WWOX: variants seen among roughly 807,000 people sequenced by gnomAD.
WWOX encodes WW domain containing oxidoreductase, also known as WW domain-containing oxidoreductase.
Under a neutral mutation model 46.2 loss-of-function variants are expected in WWOX, and 69 were observed. The ratio of observed to expected loss-of-function variants is 1.49; its 90% CI spans 1.23 to 1.82. WWOX has a LOEUF of 1.82. Among genes scored for constraint, WWOX ranks in the 40% most tolerant of loss-of-function variants. WWOX has a pLI of 0.00. For missense variants in WWOX, 919 were observed against 542.6 expected (o/e 1.69, Z -6.89); for synonymous variants, 359 against 202.6 (o/e 1.77, Z -6.56).
intron 8 of WWOX, among the ~76,000 whole-genome samples, chr16:78,599,604 A>C (rs547013308): frequency 1.3e-5 from 2 of 152,260 alleles, no homozygotes; most frequent in East Asian, 3.9e-4. Flanking sequence ...CAGTTTGGGG[A>C]GAAATGCAGC....
intron 8 of WWOX, among the ~76,000 whole-genome samples, chr16:78,745,984 G>A (rs972480535): frequency 1.3e-5 from 2 of 152,108 alleles, no homozygotes; most frequent in South Asian, 2.1e-4. Context: ...CCTGCACCAC[G>A]TCTCAGAAGG....
At position 78,235,370 on chromosome 16, in the gene WWOX, C is replaced by T. The variant is rs766861233; in HGVS notation, c.516+71081C>T. On this transcript the variant is annotated intron_variant, in intron 5 of 8. Coordinates refer to ENST00000566780, the MANE Select transcript of WWOX (RefSeq NM_016373.4). ...GTGGAGGGAAACAAGCCTGCCAGGC[C>T]GGCTCATCTGACCCCTGGTGGCAGG... Among the ~76,000 whole-genome samples the T allele has an allele frequency of 1.2e-4, 18 of 152,090 alleles. 1 individual carries two copies. Among genetic ancestry groups the T allele is most frequent in the Non-Finnish European group, 2.2e-4 (15 of 68,034 alleles).
intron 8 of WWOX, among the ~76,000 whole-genome samples, chr16:78,813,564 C>T (rs148310182): frequency 9.9e-5 from 15 of 152,040 alleles, no homozygotes; most frequent in African/African-American, 3.1e-4. Flanking sequence ...TATATGTGGG[C>T]AGGAATGTGT....
chr16:78,171,179 A>G (rs1039049142), intron 5 of WWOX, among the ~76,000 whole-genome samples: 1 of 151,988 alleles, frequency 6.6e-6, no homozygotes, highest in Admixed American at 6.6e-5. Context: ...CTGTGTTTTC[A>G]TTTTGTTGTT....
chr16:78,388,817 A>T (rs772564781), intron 6 of WWOX, among the ~76,000 whole-genome samples: 1 of 151,506 alleles, frequency 6.6e-6, no homozygotes, highest in Non-Finnish European at 1.5e-5. Flanking sequence ...TAAAAATGCA[A>T]AATTAACTGG....
intron 8 of WWOX, among the ~76,000 whole-genome samples, chr16:79,087,156 C>G (rs1392950623): frequency 6.6e-6 from 1 of 152,162 alleles, no homozygotes; most frequent in Non-Finnish European, 1.5e-5. Flanking sequence ...GGAGAGTATT[C>G]ATGAAATTTA....
chr16:78,110,033 C>T lies in WWOX; in HGVS notation c.230+198C>T, dbSNP rs146893897. ...TTTATTCTTCTATTTTCCCCGCACA[C>T]GCATCCTTAAAAAAAAAAAGTAGGG... On this transcript the variant is annotated intron_variant, in intron 3 of 8. Coordinates refer to ENST00000566780, the MANE Select transcript of WWOX (RefSeq NM_016373.4). Among the ~76,000 whole-genome samples, 354 of 151,472 alleles carry T rather than the reference C, an allele frequency of 2.3e-3. 1 individual carries two copies. The highest frequency in any genetic ancestry group is 8.2e-3 in the African/African-American group (338 of 41,244).
chr16:79,188,207 C>T (rs998900800), intron 8 of WWOX, among the ~76,000 whole-genome samples: 9 of 152,056 alleles, frequency 5.9e-5, no homozygotes, highest in South Asian at 2.1e-4. Flanking sequence ...AGGTGGGAGG[C>T]GGTAGTGGTG....
intron 5 of WWOX, among the ~76,000 whole-genome samples, chr16:78,243,362 A>G (rs553792299): frequency 7.2e-5 from 11 of 152,180 alleles, no homozygotes; most frequent in African/African-American, 2.4e-4. Context: ...ATTAATTTTC[A>G]TTTTTTAAAA....
intron 5 of WWOX, 56 bp from the exon 6 acceptor site, chr16:78,386,804 A>T: frequency 6.8e-7 from 1 of 1,468,172 alleles, no homozygotes; most frequent in Non-Finnish European, 9.5e-7. Flanking sequence ...GTAACTTGAT[A>T]CCATGAACTA....
chr16:78,739,526 C>G (rs562702023), intron 8 of WWOX, among the ~76,000 whole-genome samples: 1 of 152,178 alleles, frequency 6.6e-6, no homozygotes, highest in Middle Eastern at 3.4e-3. Flanking sequence ...TAAAGAAATT[C>G]CTTGGCTGGG....
At chr16:78,112,625 A>G (rs917375145) in intron 3 of WWOX, among the ~76,000 whole-genome samples, 2 of 150,868 alleles carry the variant, frequency 1.3e-5, no homozygotes, top group African/African-American at 4.9e-5. Context: ...TTTTTCCTCA[A>G]CTAATTAAGG....
At chr16:78,373,285 GTC>G (rs1437646834) in intron 5 of WWOX, among the ~76,000 whole-genome samples, 1 of 152,174 alleles carries the variant, frequency 6.6e-6, no homozygotes, top group Admixed American at 6.5e-5. Flanking sequence ...CCACATGGGT[GTC>G]TCTGATTGAC....
At chr16:78,696,708 G>C (rs1380268659) in intron 8 of WWOX, among the ~76,000 whole-genome samples, 1 of 151,860 alleles carries the variant, frequency 6.6e-6, no homozygotes, top group Non-Finnish European at 1.5e-5. Context: ...GGTGGTATTT[G>C]GTTACATGAG....
At chr16:79,065,959 A>G (rs2048433450) in intron 8 of WWOX, among the ~76,000 whole-genome samples, 1 of 152,108 alleles carries the variant, frequency 6.6e-6, no homozygotes, top group Admixed American at 6.5e-5. Context: ...TCATTAGCTC[A>G]TGTCTCTCCT....
chr16:78,815,522 C>A (rs1430283976), intron 8 of WWOX, among the ~76,000 whole-genome samples: 1 of 152,140 alleles, frequency 6.6e-6, no homozygotes, highest in Non-Finnish European at 1.5e-5. Context: ...CTTGCCAGGA[C>A]CCTGACCAAG....
rs2082882701 is a variant in WWOX at position 78,419,885 on chromosome 16, A to G, written c.606-4985A>G. On this transcript the variant is annotated intron_variant, in intron 6 of 8. Coordinates refer to ENST00000566780, the MANE Select transcript of WWOX (RefSeq NM_016373.4). ...TACAGAATGGGGGAAATACTTACAAATTAAATATTAAATAAGGGATTTGTA... is the reference window on the plus strand; with the variant it reads ...TACAGAATGGGGGAAATACTTACAAGTTAAATATTAAATAAGGGATTTGTA... Among the ~76,000 whole-genome samples, 4 of 152,092 alleles carry G rather than the reference A, an allele frequency of 2.6e-5. No individual in the cohort carries two copies. The South Asian group carries it at 6.2e-4, about 24-fold the overall frequency.
chr16:78,643,689 C>T (rs995371542), intron 8 of WWOX, among the ~76,000 whole-genome samples: 1 of 152,094 alleles, frequency 6.6e-6, no homozygotes, highest in Non-Finnish European at 1.5e-5. Flanking sequence ...GATTGTCTCA[C>T]TATGATATAC....
intron 8 of WWOX, among the ~76,000 whole-genome samples, chr16:78,800,641 A>C (rs78224522): frequency 6.6e-6 from 1 of 152,170 alleles, no homozygotes; most frequent in Non-Finnish European, 1.5e-5. Flanking sequence ...CTGACGGCCA[A>C]AGGGGAAGCT....
Sources: allele counts gnomAD v4.1 joint callset (sites outside exome capture counted in the v4.1 genomes callset), GRCh38; gene constraint gnomAD v4.1.1; transcripts MANE v1.5; gene names NCBI Gene and HGNC (gene_info 2026-07-23, HGNC 2026-07-21).